The following CHIC2 variants were observed in gnomAD, a reference collection of about 807,000 sequenced individuals.
CHIC2 encodes cysteine rich hydrophobic domain 2, also known as cysteine-rich hydrophobic domain-containing protein 2.
Under a neutral mutation model 25.9 loss-of-function variants are expected in CHIC2, and 14 were observed. The observed-to-expected ratio is 0.54, with a 90% CI of 0.36 to 0.85. CHIC2 has a LOEUF of 0.85. Ranked by LOEUF, CHIC2 falls within the 40% of genes least tolerant of loss-of-function variation. CHIC2 has a pLI of 0.01. For missense variants in CHIC2, 146 were observed against 202.0 expected, an observed-to-expected ratio of 0.72 and a Z score of 1.68; for synonymous variants, 70 against 72.0, an observed-to-expected ratio of 0.97 and a Z score of 0.14.
At chr4:54,048,576 T>A (rs758916088) in intron 3 of CHIC2, among the ~76,000 whole-genome samples, 1 of 152,180 alleles carries the variant, frequency 6.6e-6, no homozygotes, top group East Asian at 1.9e-4. Flanking sequence ...TATATTCAAG[T>A]AGTAGGTGAA....
At chr4:54,062,256 G>A (rs561828281) in intron 1 of CHIC2, among the ~76,000 whole-genome samples, 1 of 152,148 alleles carries the variant, frequency 6.6e-6, no homozygotes, top group African/African-American at 2.4e-5. Flanking sequence ...ACTGTTTATT[G>A]ATGATAGATA....
At chr4:54,035,894 G>A (rs1305867262) in intron 3 of CHIC2, among the ~76,000 whole-genome samples, 6 of 152,224 alleles carry the variant, frequency 3.9e-5, no homozygotes, top group Middle Eastern at 6.8e-3. Context: ...TTGACATTTT[G>A]TGTTTTAATC....
At chr4:54,065,666 G>A (rs1560401760), upstream of CHIC2, among the ~76,000 whole-genome samples, 2 of 152,182 alleles carry the variant, frequency 1.3e-5, 1 homozygote, top group African/African-American at 4.8e-5. Flanking sequence ...GGGCTTCTGA[G>A]AAGAGAGTCC....
At chr4:54,090,360 T>G in the CHIC2 span, among the ~76,000 whole-genome samples, 1 of 152,096 alleles carries the variant, frequency 6.6e-6, no homozygotes, top group Non-Finnish European at 1.5e-5. Context: ...AATTTTTGTA[T>G]TTTTAGTAGA....
At chr4:54,077,422 T>A in the CHIC2 span, among the ~76,000 whole-genome samples, 1 of 152,154 alleles carries the variant, frequency 6.6e-6, no homozygotes, top group Non-Finnish European at 1.5e-5. Flanking sequence ...CATATTGCAG[T>A]GCAGTGGAAA....
the CHIC2 span, among the ~76,000 whole-genome samples, chr4:54,084,983 C>CAAAAAAAAAAAAAAAAAAAAAAAAA: frequency 3.2e-4 from 34 of 106,746 alleles, no homozygotes; most frequent in African/African-American, 1.1e-3. Flanking sequence ...AAAAAAAAAT[C>CAAAAAAAAAAAAAAAAAAAAAAAAA]AAACAGGTAG....
At chr4:54,059,042 A>G (rs955085037) in intron 1 of CHIC2, among the ~76,000 whole-genome samples, 1 of 152,214 alleles carries the variant, frequency 6.6e-6, no homozygotes, top group Non-Finnish European at 1.5e-5. Flanking sequence ...CAAATACAGT[A>G]AAAACTTTGA....
At chr4:54,021,996 A>G (rs1433795891) in intron 3 of CHIC2, among the ~76,000 whole-genome samples, 1 of 152,118 alleles carries the variant, frequency 6.6e-6, no homozygotes, top group African/African-American at 2.4e-5. Flanking sequence ...CCCCAGCTAC[A>G]TTGCCAGCAC....
At chr4:54,037,352 C>T (rs950864727) in intron 3 of CHIC2, among the ~76,000 whole-genome samples, 2 of 151,548 alleles carry the variant, frequency 1.3e-5, no homozygotes, top group Non-Finnish European at 2.9e-5. Context: ...GACCCTATCT[C>T]AAAAATAAAT....
the CHIC2 span, among the ~76,000 whole-genome samples, chr4:54,070,958 G>C: frequency 6.6e-6 from 1 of 152,162 alleles, no homozygotes; most frequent in Non-Finnish European, 1.5e-5. Flanking sequence ...CCCAACCTTA[G>C]AGTTTTTGGT....
intron 3 of CHIC2, among the ~76,000 whole-genome samples, chr4:54,045,026 C>T (rs191892088): frequency 3.5e-4 from 54 of 152,182 alleles, no homozygotes; most frequent in East Asian, 1.9e-4. Flanking sequence ...AACACCTCTA[C>T]GCAAATAAAC....
intron 3 of CHIC2, among the ~76,000 whole-genome samples, chr4:54,035,841 A>C (rs1479712542): frequency 6.6e-6 from 1 of 152,124 alleles, no homozygotes; most frequent in Non-Finnish European, 1.5e-5. Flanking sequence ...CAGTGGTATA[A>C]ATTTCCTTCC....
Position 54,010,046 on chromosome 4 carries a change from C to T in CHIC2, c.*49G>A, listed in dbSNP as rs1715536879. The T allele has an allele frequency of 3.1e-6, 4 of 1,279,872 alleles. No homozygotes were observed. Among genetic ancestry groups the T allele is most frequent in the Non-Finnish European group, 4.5e-6 (4 of 884,278 alleles). The allele number at this position is 1,279,872 out of a possible 1,614,324, so 79.3% of individuals were successfully genotyped here. A position where few individuals can be genotyped will look rare whatever the true frequency, so the allele number is the denominator to read the frequency against. On this transcript the variant is annotated 3_prime_UTR_variant, in exon 6 of 6. Coordinates refer to ENST00000263921, the MANE Select transcript of CHIC2 (RefSeq NM_012110.4). ...CACCAGGAGAGCACCAAGCAAGGCA[C>T]CATTGGAAAGACAACATACTTGGAA...
intron 3 of CHIC2, among the ~76,000 whole-genome samples, chr4:54,047,839 C>T (rs991072095): frequency 6.6e-6 from 1 of 151,392 alleles, no homozygotes. Flanking sequence ...TTTTTAAATA[C>T]ATTTTTAAAA....
chr4:54,058,903 C>T (rs1165693935), intron 1 of CHIC2, among the ~76,000 whole-genome samples: 2 of 151,958 alleles, frequency 1.3e-5, no homozygotes, highest in Non-Finnish European at 2.9e-5. Context: ...TTACTTTTCA[C>T]CATTTAATCC....
chr4:54,038,178 A>C (rs1364994683), intron 3 of CHIC2, among the ~76,000 whole-genome samples: 1 of 152,198 alleles, frequency 6.6e-6, no homozygotes, highest in Non-Finnish European at 1.5e-5. Context: ...TTGGGAATAA[A>C]ACTGTCATTA....
Position 54,064,553 on chromosome 4 carries a change from C to T in CHIC2, c.-253G>A, listed in dbSNP as rs1470627387. 1.2e-5 allele frequency: 16 copies of T among 1,320,102 alleles called. No homozygotes were observed. Among genetic ancestry groups the T allele is most frequent in the African/African-American group, 1.6e-5 (1 of 64,286 alleles). The allele number at this position is 1,320,102 out of a possible 1,614,324, so 81.8% of individuals were successfully genotyped here. A position where few individuals can be genotyped will look rare whatever the true frequency, so the allele number is the denominator to read the frequency against. On this transcript the variant is annotated 5_prime_UTR_variant, in exon 1 of 6. Coordinates refer to ENST00000263921, the MANE Select transcript of CHIC2 (RefSeq NM_012110.4). The surrounding 1 kb of genome is among the most constrained non-coding windows in gnomAD (Gnocchi z 4.2). ...AACATCCGCCCAGAGGCCGACACCT[C>T]CACAAGCACAGACGCCGCTGCCGCC...
intron 3 of CHIC2, among the ~76,000 whole-genome samples, chr4:54,045,542 C>A (rs909438814): frequency 1.4e-4 from 21 of 152,158 alleles, no homozygotes; most frequent in African/African-American, 4.6e-4. Flanking sequence ...GAACCAAAGA[C>A]AAAAACCACA....
the CHIC2 span, among the ~76,000 whole-genome samples, chr4:54,073,597 C>T: frequency 6.6e-6 from 1 of 152,142 alleles, no homozygotes; most frequent in East Asian, 1.9e-4. Context: ...CCAGCTCCAG[C>T]CAAGCAGCCC....
Sources: gnomAD v4.1 joint callset for allele counts (sites outside exome capture counted in the v4.1 genomes callset) on GRCh38, gnomAD v4.1.1 for gene constraint, Gnocchi (gnomAD v3.1) non-coding constraint, MANE v1.5 for transcripts, NCBI Gene and HGNC (gene_info 2026-07-23, HGNC 2026-07-21) for gene names.